The following SMG5 variants were observed in gnomAD, a reference collection of about 807,000 sequenced individuals.
SMG5 encodes SMG5 nonsense mediated mRNA decay factor.
SMG5 carries 53 observed loss-of-function variants against 122.9 expected under a neutral mutation model. That is an observed-to-expected ratio of 0.43 (90% CI 0.35 to 0.54). The LOEUF (loss-of-function observed/expected upper bound fraction) is 0.54. Among genes scored for constraint, SMG5 ranks in the 20% least tolerant of loss-of-function variants. SMG5 has a pLI of 0.01. For missense variants in SMG5, 1,153 were observed against 1,285.6 expected (o/e 0.90, Z 1.58); for synonymous variants, 477 against 490.2 (o/e 0.97, Z 0.35).
chr1:156,267,684 G>C lies in SMG5; in HGVS notation c.909-6C>G, dbSNP rs368916665. 15 of 1,603,088 alleles carry C rather than the reference G, an allele frequency of 9.4e-6. No individual in the cohort carries two copies. Among genetic ancestry groups the C allele is most frequent in the Non-Finnish European group, 1.1e-5 (13 of 1,175,182 alleles). On this transcript the variant is annotated splice_polypyrimidine_tract_variant and splice_region_variant and intron_variant, in intron 9 of 21. Transcript: ENST00000361813. The stretch of plus-strand genomic sequence containing the variant: ...TCAGCTCTGAGTCCACGGAGCTACA[G>C]AGGGGCAGGAGTAACAGGGGAGGTC...
At position 156,273,371 on chromosome 1, in the gene SMG5, A is replaced by T; in HGVS notation, c.624T>A (p.Ala208=). The T allele has an allele frequency of 6.2e-7, 1 of 1,613,566 alleles. No homozygotes were observed. Among genetic ancestry groups the T allele is most frequent in the Non-Finnish European group, 8.5e-7 (1 of 1,179,880 alleles). ...ERFYYQALSV[A]PQIGMPFNQL... is the part of the protein sequence containing the mutation. ...TTGGGGACAACTTACCAATCTGAGG[A>T]GCTACTGACAGGGCTTGGTAGTAAA... The change falls in exon 6 of 22, where the codon GCT becomes GCA. Residue 208 remains alanine (A), a synonymous_variant. Transcript: ENST00000361813.
chr1:156,278,168 G>T, intron 2 of SMG5, 120 bp from the exon 3 acceptor site: 1 of 1,297,224 alleles, frequency 7.7e-7, no homozygotes, highest in Non-Finnish European at 1.1e-6. Context: ...CTTCCCAAGA[G>T]ACATGCAGGG....
chr1:156,287,139 G>A (rs1027892080), upstream of SMG5, among the ~76,000 whole-genome samples: 13 of 151,908 alleles, frequency 8.6e-5, no homozygotes, highest in Admixed American at 2.0e-4. Flanking sequence ...ATAAATAGCC[G>A]GGTGTAGTGG....
chr1:156,261,387 G>A lies in SMG5; in HGVS notation c.2053C>T (p.Arg685Cys), dbSNP rs766117500. 16 of 1,614,008 alleles carry A rather than the reference G, an allele frequency of 9.9e-6. No homozygotes were observed. In the East Asian group the frequency reaches 1.1e-4, roughly 11 times the overall value. Reference protein sequence around the residue: ...CAQSSQSLWNRLSVLLNLLPA... With the variant: ...CAQSSQSLWNCLSVLLNLLPA... ...AACAGATTCAGCAACACAGACAGGC[G>A]GTTCCACAGACTTTGAGAGCTCTGG... Residue 685 changes from arginine to cysteine, a missense_variant, in exon 14 of 22, where the codon CGC (arginine) becomes TGC (cysteine). Arg to Cys is a radical substitution (Grantham distance 180). Around this residue, in one of 5 missense-constraint regions of SMG5, gnomAD observed 631 missense variants for 650.6 expected, o/e 0.97. Transcript: ENST00000361813.
chr1:156,252,084 A>G (rs1199349799), intron 19 of SMG5, among the ~76,000 whole-genome samples: 1 of 152,200 alleles, frequency 6.6e-6, no homozygotes, highest in Non-Finnish European at 1.5e-5. Flanking sequence ...AGAAATTCCT[A>G]TAAAGGAGTT....
chr1:156,258,085 G>A (rs910056709), intron 16 of SMG5, among the ~76,000 whole-genome samples: 4 of 152,180 alleles, frequency 2.6e-5, no homozygotes, highest in South Asian at 2.1e-4. Context: ...ATAAATATTC[G>A]TGGAATGAAT....
At chr1:156,291,375 GC>G in the SMG5 span, 1 of 1,612,592 alleles carries the variant, frequency 6.2e-7, no homozygotes. Context: ...CCCTTTTCTT[GC>G]CCCCATAGGC....
At chr1:156,252,869 A>C in intron 18 of SMG5, 50 bp downstream of exon 18, 1 of 1,471,466 alleles carries the variant, frequency 6.8e-7, no homozygotes, top group Non-Finnish European at 9.0e-7. Flanking sequence ...TCCCAAGCCC[A>C]GAATCTCTTT....
chr1:156,253,769 GTCACCATGCAGGACA>G (rs1661459968), intron 16 of SMG5: 1 of 517,522 alleles, frequency 1.9e-6, no homozygotes, highest in East Asian at 3.5e-5. Flanking sequence ...GCCATGTGCC[GTCACCATGCAGGACA>G]TCACCTGGCT....
At chr1:156,287,986 G>C in the SMG5 span, among the ~76,000 whole-genome samples, 243 of 152,002 alleles carry the variant, frequency 1.6e-3, no homozygotes, top group African/African-American at 5.5e-3. Flanking sequence ...AGGCGGAGGC[G>C]GGCAGATCAT....
the SMG5 span, chr1:156,291,351 CGA>C: frequency 3.5e-4 from 558 of 1,602,578 alleles, 5 homozygotes; most frequent in African/African-American, 6.7e-3. Flanking sequence ...GCGCTTCCCT[CGA>C]GAGTAGCCTG....
At chr1:156,287,606 CTTTTTTTTTTT>C (rs745468403), upstream of SMG5, among the ~76,000 whole-genome samples, 18 of 72,640 alleles carry the variant, frequency 2.5e-4, no homozygotes, top group South Asian at 6.3e-4. Context: ...TTACTCTCCA[CTTTTTTTTTTT>C]TTTTTTTTTT....
At chr1:156,287,994 C>T in the SMG5 span, among the ~76,000 whole-genome samples, 1 of 151,836 alleles carries the variant, frequency 6.6e-6, no homozygotes, top group Non-Finnish European at 1.5e-5. Flanking sequence ...GCGGGCAGAT[C>T]ATGAGGTCAG....
chr1:156,278,430 T>C (rs1430380147), intron 2 of SMG5, among the ~76,000 whole-genome samples: 1 of 151,236 alleles, frequency 6.6e-6, no homozygotes, highest in African/African-American at 2.4e-5. Flanking sequence ...AGTGGCGGGA[T>C]CATAGCACCA....
In SMG5 at chr1:156,259,108, T is replaced by C. The variant is rs1467037806; in HGVS notation, c.2339A>G (p.Gln780Arg). 4.3e-6 allele frequency: 7 copies of C among 1,609,540 alleles called. No homozygotes were observed. The highest frequency in any genetic ancestry group is 1.1e-5 in the South Asian group (1 of 90,650). The change falls in exon 16 of 22, where the codon CAA (glutamine) becomes CGA (arginine). Residue 780 changes from glutamine (Q) to arginine (R), a missense_variant. Coordinates refer to ENST00000361813, the MANE Select transcript of SMG5 (RefSeq NM_015327.3). The part of the protein sequence containing the change: ...RSFGHFIARL[Q>R]GSILQFNPEV... The stretch of plus-strand genomic sequence containing the variant: ...TGGGTTGAACTGCAGGATGCTGCCT[T>C]GCAGGCGGGCGATGAAATGACCAAA...
intron 16 of SMG5, chr1:156,253,851 C>G: frequency 2.9e-6 from 1 of 345,880 alleles, no homozygotes; most frequent in South Asian, 2.7e-5. Context: ...CCAGGAGATC[C>G]TACCCATGCA....
chr1:156,280,375 G>C (rs71630621), intron 1 of SMG5, among the ~76,000 whole-genome samples: 1 of 152,224 alleles, frequency 6.6e-6, no homozygotes, highest in East Asian at 1.9e-4. Context: ...TGGTGGTGGT[G>C]GCTCAGGAGG....
intron 1 of SMG5, 126 bp from the exon 2 acceptor site, chr1:156,279,160 G>A: frequency 3.8e-6 from 3 of 785,724 alleles, no homozygotes; most frequent in Non-Finnish European, 4.3e-6. Flanking sequence ...AAGGCTGCAG[G>A]CTGAGCTCTG....
chr1:156,260,517 C>CG lies in SMG5; in HGVS notation c.2216dup (p.Leu740AlafsTer9). ...TAAAGCGTCTGTGGGCAGCTCGGAG[C>CG]GGGGGCAGGTTACGAAGAGCCATGT... is the stretch of plus-strand genomic sequence containing the variant. On this transcript the variant is annotated frameshift_variant, in exon 15 of 22. Coordinates refer to ENST00000361813, the MANE Select transcript of SMG5 (RefSeq NM_015327.3). LOFTEE classifies it high-confidence loss of function. The CG allele has an allele frequency of 1.3e-6, 2 of 1,587,874 alleles. No individual in the cohort carries two copies. Among genetic ancestry groups the CG allele is most frequent in the Non-Finnish European group, 8.5e-7 (1 of 1,170,734 alleles).
Sources: allele counts gnomAD v4.1 joint callset (sites outside exome capture counted in the v4.1 genomes callset), GRCh38; gene constraint gnomAD v4.1.1; regional missense constraint gnomAD v4.1.1; transcripts MANE v1.5; gene names NCBI Gene and HGNC (gene_info 2026-07-23, HGNC 2026-07-21).